PRELID2: variants seen among roughly 807,000 people sequenced by gnomAD.
PRELID2 encodes PRELI domain containing 2.
In PRELID2, 25 loss-of-function variants were observed where a neutral mutation model predicts 28.4. The observed-to-expected ratio is 0.88, with a 90% CI of 0.64 to 1.23. PRELID2 has a LOEUF of 1.23. Among genes scored for constraint, PRELID2 ranks in the 50% most tolerant of loss-of-function variants. PRELID2 has a pLI of 0.00. For missense variants in PRELID2, 201 were observed against 214.4 expected (o/e 0.94, Z 0.39); for synonymous variants, 76 against 71.6 (o/e 1.06, Z -0.31).
the PRELID2 span, among the ~76,000 whole-genome samples, chr5:145,254,061 G>A: frequency 4.6e-5 from 7 of 151,940 alleles, no homozygotes; most frequent in East Asian, 7.8e-4. Flanking sequence ...CTTATTCCTC[G>A]GCTGAGAACT....
intron 1 of PRELID2, among the ~76,000 whole-genome samples, chr5:145,824,100 T>A (rs1409765268): frequency 6.6e-6 from 1 of 151,926 alleles, no homozygotes; most frequent in Non-Finnish European, 1.5e-5. Context: ...TTTCCACTAC[T>A]CAGATGTGAA....
intron 1 of PRELID2, among the ~76,000 whole-genome samples, chr5:145,487,895 T>C (rs527476070): frequency 9.2e-4 from 137 of 149,270 alleles, no homozygotes; most frequent in African/African-American, 3.2e-3. Flanking sequence ...GAGGCTGAGG[T>C]GGGTGGATCA....
chr5:145,432,430 TAAA>T, the PRELID2 span, among the ~76,000 whole-genome samples: 1 of 133,464 alleles, frequency 7.5e-6, no homozygotes. Context: ...CTCAAGTTGT[TAAA>T]AAAAAAAAAA....
At chr5:145,651,592 G>C (rs1754298778) in intron 1 of PRELID2, among the ~76,000 whole-genome samples, 1 of 152,176 alleles carries the variant, frequency 6.6e-6, no homozygotes, top group Non-Finnish European at 1.5e-5. Flanking sequence ...AACATTTGTT[G>C]TTCAGCAATA....
the PRELID2 span, among the ~76,000 whole-genome samples, chr5:145,363,917 C>T: frequency 6.6e-6 from 1 of 151,968 alleles, no homozygotes; most frequent in Non-Finnish European, 1.5e-5. Context: ...AACATTTAAA[C>T]TTTCAGTAGA....
intron 4 of PRELID2, among the ~76,000 whole-genome samples, chr5:145,806,345 A>G (rs992425394): frequency 1.3e-5 from 2 of 152,122 alleles, no homozygotes; most frequent in Non-Finnish European, 2.9e-5. Context: ...AAAAACACAA[A>G]AACACACACA....
Position 145,741,934 on chromosome 5 carries a change from T to TATAAATAA in PRELID2, n.70+22989_70+22996dup, listed in dbSNP as rs1266094475. Among the ~76,000 whole-genome samples, 23 of 38,972 alleles carry TATAAATAA rather than the reference T, an allele frequency of 5.9e-4. No homozygotes were observed. The East Asian group carries it at 6.5e-3, about 11-fold the overall frequency. 25.6% of individuals were successfully genotyped at this position (38,972 alleles called of 152,430 possible). On this transcript the variant is annotated intron_variant and non_coding_transcript_variant, in intron 1 of 2. Coordinates refer to the PRELID2 transcript ENST00000510259. ...TATATAAATAAACAAATAAATTTAT[T>TATAAATAA]ATAAATAAATAAATTTATTATAATT... is the stretch of plus-strand genomic sequence containing the variant.
intron 1 of PRELID2, among the ~76,000 whole-genome samples, chr5:145,479,625 C>T (rs115690362): frequency 2.5e-4 from 38 of 152,324 alleles, no homozygotes; most frequent in Non-Finnish European, 5.0e-4. Context: ...GCCTGGTGCA[C>T]AGTAAGTGCT....
At chr5:145,530,960 T>G (rs180697968) in intron 1 of PRELID2, among the ~76,000 whole-genome samples, 1 of 152,290 alleles carries the variant, frequency 6.6e-6, no homozygotes, top group Admixed American at 6.5e-5. Context: ...CAAAGTCCTC[T>G]CCAGGTCCTG....
chr5:145,696,321 G>A (rs1755261829), intron 1 of PRELID2, among the ~76,000 whole-genome samples: 1 of 151,882 alleles, frequency 6.6e-6, no homozygotes, highest in Admixed American at 6.6e-5. Context: ...ATCTAATGGT[G>A]AAAATTTCAT....
chr5:145,265,134 A>T, the PRELID2 span, among the ~76,000 whole-genome samples: 3 of 152,124 alleles, frequency 2.0e-5, no homozygotes, highest in Admixed American at 6.5e-5. Flanking sequence ...AATGTATAAA[A>T]GTCAGTAGCT....
the PRELID2 span, among the ~76,000 whole-genome samples, chr5:145,418,653 T>C: frequency 6.6e-6 from 1 of 152,206 alleles, no homozygotes; most frequent in South Asian, 2.1e-4. Flanking sequence ...GAATTCCCTA[T>C]GCAATAAATG....
chr5:145,245,762 C>T, the PRELID2 span, among the ~76,000 whole-genome samples: 5 of 151,998 alleles, frequency 3.3e-5, no homozygotes, highest in African/African-American at 9.7e-5. Context: ...AATGAGACCC[C>T]GTATTAGTTG....
intron 1 of PRELID2, among the ~76,000 whole-genome samples, chr5:145,662,121 A>G (rs1581036130): frequency 6.6e-6 from 1 of 152,052 alleles, no homozygotes; most frequent in East Asian, 1.9e-4. Context: ...CTGTGAACAG[A>G]TCTTGACAGC....
chr5:145,729,112 G>C (rs541139857), intron 1 of PRELID2: 1 of 586,392 alleles, frequency 1.7e-6, no homozygotes, highest in African/African-American at 1.9e-5. Context: ...TTGTTACCCT[G>C]GTTTCCGAGT....
At chr5:145,560,365 A>G (rs1752916258) in intron 1 of PRELID2, among the ~76,000 whole-genome samples, 1 of 152,202 alleles carries the variant, frequency 6.6e-6, no homozygotes, top group South Asian at 2.1e-4. Context: ...AGAACCTATC[A>G]CTTACCCAGC....
At chr5:145,503,125 G>A (rs1341678010) in intron 1 of PRELID2, among the ~76,000 whole-genome samples, 1 of 152,112 alleles carries the variant, frequency 6.6e-6, no homozygotes, top group Non-Finnish European at 1.5e-5. Flanking sequence ...ATTAGTGATA[G>A]CAGGGCCCTT....
Position 145,819,979 on chromosome 5 carries a change from AT to A in PRELID2, c.172del (p.Ile58SerfsTer10). On this transcript the variant is annotated frameshift_variant, in exon 3 of 7. Coordinates refer to ENST00000683046, the MANE Select transcript of PRELID2 (RefSeq NM_205846.3). LOFTEE classifies it high-confidence loss of function. ...TGVIYRKRIA[I>X]CQNVVPEILR... ...AATTTCTGGAACCACGTTCTGACAG[AT>A]TGCAATCCTCTTTCTGTAGATGACC... is the stretch of plus-strand genomic sequence containing the variant. 1 of 1,607,716 alleles carries A rather than the reference AT, an allele frequency of 6.2e-7. No individual in the cohort carries two copies. The highest frequency in any genetic ancestry group is 8.5e-7 in the Non-Finnish European group (1 of 1,176,578).
At chr5:145,502,114 C>G (rs1332753446) in intron 1 of PRELID2, among the ~76,000 whole-genome samples, 1 of 152,100 alleles carries the variant, frequency 6.6e-6, no homozygotes, top group Non-Finnish European at 1.5e-5. Context: ...AATTGGCTCA[C>G]AGTTCTGCAG....
Sources: gnomAD v4.1 joint callset for allele counts (sites outside exome capture counted in the v4.1 genomes callset) on GRCh38, gnomAD v4.1.1 for gene constraint, MANE v1.5 for transcripts, NCBI Gene and HGNC (gene_info 2026-07-23, HGNC 2026-07-21) for gene names.